PCDHGA2: variants seen among roughly 807,000 people sequenced by gnomAD.
The protein encoded by PCDHGA2 is protocadherin gamma subfamily A, 2.
In PCDHGA2, 40 loss-of-function variants were observed where a neutral mutation model predicts 59.2. The observed-to-expected ratio is 0.68, with a 90% CI of 0.52 to 0.88. The LOEUF (loss-of-function observed/expected upper bound fraction) is 0.88, where lower values mean the gene tolerates loss of function less well. Among genes scored for constraint, PCDHGA2 ranks in the 40% least tolerant of loss-of-function variants. The pLI is 0.00. For synonymous variants in PCDHGA2, 560 were observed against 526.0 expected (o/e 1.06, Z -0.89); for missense variants, 1,226 against 1,204.0 (o/e 1.02, Z -0.27).
intron 1 of PCDHGA2, chr5:141,398,766 T>C (rs775055352): frequency 6.2e-6 from 10 of 1,613,844 alleles, no homozygotes; most frequent in Non-Finnish European, 7.6e-6. Flanking sequence ...TAGTCCTGAC[T>C]GCCTTGGACG....
intron 1 of PCDHGA2, chr5:141,392,939 C>T (rs1425022179): frequency 1.2e-6 from 2 of 1,613,830 alleles, no homozygotes; most frequent in Non-Finnish European, 1.7e-6. Context: ...CGGACAAAGG[C>T]TCCTTCGTGG....
chr5:141,338,770 T>TA lies in PCDHGA2; in HGVS notation c.-201dup, dbSNP rs1009139235. On this transcript the variant is annotated 5_prime_UTR_variant, in exon 1 of 4. Transcript: ENST00000394576. ...GGCAGCGAGACATCCAATCCAGCAATACGGCTCCCACAGCACAAGGGGGTG... is the reference window on the plus strand; with the variant it reads ...GGCAGCGAGACATCCAATCCAGCAATAACGGCTCCCACAGCACAAGGGGGTG... 4.2e-5 allele frequency: 54 copies of TA among 1,279,032 alleles called. No homozygotes were observed. The highest frequency in any genetic ancestry group is 1.5e-4 in the Admixed American group (4 of 27,132). 79.2% of individuals were successfully genotyped at this position (1,279,032 alleles called of 1,614,324 possible). A position where few individuals can be genotyped will look rare whatever the true frequency, so the allele number is the denominator to read the frequency against.
Position 141,376,232 on chromosome 5 carries a change from C to A in PCDHGA2, c.2424+34837C>A, listed in dbSNP as rs750982276. 6.7e-5 allele frequency: 108 copies of A among 1,614,106 alleles called. No homozygotes were observed. The highest frequency in any genetic ancestry group is 9.0e-5 in the Non-Finnish European group (106 of 1,180,056). ...CATCGTGCTGCTGGCGCTCAGACTG[C>A]AGCGCTGGCACAAGTCACGCCTGCT... is the stretch of plus-strand genomic sequence containing the variant. On this transcript the variant is annotated intron_variant, in intron 1 of 3. Coordinates refer to ENST00000394576, the MANE Select transcript of PCDHGA2 (RefSeq NM_018915.4).
At chr5:141,348,472 C>CT (rs958946105) in intron 1 of PCDHGA2, among the ~76,000 whole-genome samples, 5 of 152,130 alleles carry the variant, frequency 3.3e-5, no homozygotes, top group African/African-American at 1.2e-4. Flanking sequence ...ATTAGTATCA[C>CT]TTTCCCTGTA....
At position 141,489,063 on chromosome 5, in the gene PCDHGA2, C is replaced by A; in HGVS notation, c.2425-5744C>A. ...CTCCACTCAAATTCAGCTCCCCTCC[C>A]CCCTGCCCACCCCCGCCACTCGGTG... On this transcript the variant is annotated intron_variant, in intron 1 of 3. Coordinates refer to ENST00000394576, the MANE Select transcript of PCDHGA2 (RefSeq NM_018915.4). This position sits in a 1 kb window ranked among gnomAD's most constrained non-coding sequence, Gnocchi z 4.5. 2.6e-6 allele frequency: 1 copy of A among 384,986 alleles called. No individual in the cohort carries two copies. Among genetic ancestry groups the A allele is most frequent in the East Asian group, 4.5e-5 (1 of 22,374 alleles). 23.8% of individuals were successfully genotyped at this position (384,986 alleles called of 1,614,324 possible). A position where few individuals can be genotyped will look rare whatever the true frequency, so the allele number is the denominator to read the frequency against.
In PCDHGA2 at chr5:141,344,217, C is replaced by T. The variant is rs772663259; in HGVS notation, c.2424+2822C>T. 1.2e-5 allele frequency: 20 copies of T among 1,613,872 alleles called. 1 individual carries two copies. The South Asian group carries it at 2.1e-4, about 17-fold the overall frequency. ...GCTAGAGCCCCGGGAGCTGGCGGAG[C>T]GCGGAGTCCGCATCGTCTCCAGAGG... On this transcript the variant is annotated intron_variant, in intron 1 of 3. Transcript: ENST00000394576.
At chr5:141,413,824 A>G (rs1265406182) in intron 1 of PCDHGA2, 1 of 1,613,114 alleles carries the variant, frequency 6.2e-7, no homozygotes, top group Middle Eastern at 1.6e-4. Context: ...CCTGGTCCTC[A>G]CCGCCTCCGA....
intron 1 of PCDHGA2, chr5:141,404,551 G>A (rs764332245): frequency 1.9e-5 from 31 of 1,613,748 alleles, no homozygotes; most frequent in African/African-American, 1.1e-4. Flanking sequence ...TGCAGGTGAC[G>A]GCAAGTGACA....
chr5:141,422,975 C>T (rs751065595), intron 1 of PCDHGA2: 130 of 1,614,092 alleles, frequency 8.1e-5, no homozygotes, highest in Non-Finnish European at 1.0e-4. Context: ...CCCCGCTCTG[C>T]GGAACCTGGC....
rs780578882 is a variant in PCDHGA2 at position 141,486,578 on chromosome 5, C to T, written c.2425-8229C>T. On this transcript the variant is annotated intron_variant, in intron 1 of 3. Coordinates refer to ENST00000394576, the MANE Select transcript of PCDHGA2 (RefSeq NM_018915.4). This position sits in a 1 kb window ranked among gnomAD's most constrained non-coding sequence, Gnocchi z 5.0. ...TGAGGTGTTTGTTCCTGAGAACAAT[C>T]GCCCAGGGGACCTGCTTTGCTCCCT... 1.6e-5 allele frequency: 26 copies of T among 1,613,728 alleles called. No homozygotes were observed. The highest frequency in any genetic ancestry group is 2.2e-5 in the South Asian group (2 of 91,072).
At chr5:141,510,534 C>T (rs1187165551) in intron 3 of PCDHGA2, among the ~76,000 whole-genome samples, 2 of 152,126 alleles carry the variant, frequency 1.3e-5, no homozygotes, top group African/African-American at 2.4e-5. Context: ...AGAGAAATAC[C>T]AGCGAATGTG....
chr5:141,374,951 C>G (rs780549456), intron 1 of PCDHGA2: 22 of 1,613,900 alleles, frequency 1.4e-5, no homozygotes, highest in Admixed American at 1.7e-5. Context: ...AAAGATCTCA[C>G]AAATTTTCTG....
At position 141,356,033 on chromosome 5, in the gene PCDHGA2, C is replaced by T. The variant is rs766818568; in HGVS notation, c.2424+14638C>T. On this transcript the variant is annotated intron_variant, in intron 1 of 3. Coordinates refer to ENST00000394576, the MANE Select transcript of PCDHGA2 (RefSeq NM_018915.4). Reference sequence around the variant, plus strand: ...GATGAAGGAGCCAATGGAGACGTGACGTATTCTTTCCGGAAAGTAAGAGAC... The same window carrying T: ...GATGAAGGAGCCAATGGAGACGTGATGTATTCTTTCCGGAAAGTAAGAGAC... 6.2e-6 allele frequency: 10 copies of T among 1,613,946 alleles called. No homozygotes were observed. The Middle Eastern group carries it at 4.9e-4, about 80-fold the overall frequency.
chr5:141,413,965 C>G (rs2095696868), intron 1 of PCDHGA2: 2 of 1,613,292 alleles, frequency 1.2e-6, no homozygotes, highest in East Asian at 2.2e-5. Context: ...TGTGGGCACT[C>G]AGCTGCTGAC....
At chr5:141,359,373 A>C (rs1415898355) in intron 1 of PCDHGA2, among the ~76,000 whole-genome samples, 1 of 152,158 alleles carries the variant, frequency 6.6e-6, no homozygotes, top group East Asian at 1.9e-4. Context: ...GGAAAGCAGT[A>C]GATAATTTAT....
At chr5:141,470,957 TCCTCCCACCTCAG>T (rs2099244488) in intron 1 of PCDHGA2, among the ~76,000 whole-genome samples, 1 of 152,026 alleles carries the variant, frequency 6.6e-6, no homozygotes, top group South Asian at 2.1e-4. Flanking sequence ...CCTCAAGTGA[TCCTCCCACCTCAG>T]CCTCCCAAAG....
intron 1 of PCDHGA2, among the ~76,000 whole-genome samples, chr5:141,449,525 G>T (rs2098641561): frequency 6.7e-6 from 1 of 148,580 alleles, no homozygotes; most frequent in South Asian, 2.1e-4. Flanking sequence ...GGAGGCGGAG[G>T]TTGCAGTGAG....
chr5:141,422,410 T>C, intron 1 of PCDHGA2: 1 of 1,601,816 alleles, frequency 6.2e-7, no homozygotes, highest in Non-Finnish European at 8.5e-7. Context: ...GCCTTTTAAA[T>C]TAGAAAAGAC....
chr5:141,413,530 A>G (rs879218343), intron 1 of PCDHGA2: 1 of 1,613,954 alleles, frequency 6.2e-7, no homozygotes, highest in Non-Finnish European at 8.5e-7. Context: ...AGACAGGGTG[A>G]AACTTTTTGG....
Sources: gnomAD v4.1 joint callset for allele counts (sites outside exome capture counted in the v4.1 genomes callset) on GRCh38, gnomAD v4.1.1 for gene constraint, Gnocchi (gnomAD v3.1) non-coding constraint, MANE v1.5 for transcripts, NCBI Gene and HGNC (gene_info 2026-07-23, HGNC 2026-07-21) for gene names.